TSPAN12: variants seen among roughly 807,000 people sequenced by gnomAD.
TSPAN12 encodes the protein tetraspanin-12.
In TSPAN12, 19 loss-of-function variants were observed where a neutral mutation model predicts 39.2. The ratio of observed to expected loss-of-function variants is 0.49; its 90% CI spans 0.34 to 0.71. The LOEUF (loss-of-function observed/expected upper bound fraction) is 0.71, where lower values mean the gene tolerates loss of function less well. Ranked by LOEUF, TSPAN12 falls within the 30% of genes least tolerant of loss-of-function variation. The pLI, the probability that TSPAN12 is intolerant of heterozygous loss-of-function variation, is 0.01. For synonymous variants in TSPAN12, 119 were observed against 124.8 expected (o/e 0.95, Z 0.31); for missense variants, 314 against 359.9 (o/e 0.87, Z 1.03).
intron 7 of TSPAN12, among the ~76,000 whole-genome samples, chr7:120,806,188 T>C (rs1364105782): frequency 6.6e-6 from 1 of 152,024 alleles, no homozygotes; most frequent in Non-Finnish European, 1.5e-5. Context: ...TTAAAATACG[T>C]ATTCTGTCCA....
At chr7:120,846,088 C>T (rs1794663606) in intron 2 of TSPAN12, among the ~76,000 whole-genome samples, 1 of 152,080 alleles carries the variant, frequency 6.6e-6, no homozygotes, top group South Asian at 2.1e-4. Flanking sequence ...TCTTACCTGG[C>T]CAGAGGAGGA....
intron 2 of TSPAN12, among the ~76,000 whole-genome samples, chr7:120,853,880 A>G (rs2116511444): frequency 6.6e-6 from 1 of 151,624 alleles, no homozygotes; most frequent in South Asian, 2.1e-4. Context: ...CCCAAAAAAA[A>G]AAAAAAAAGA....
Position 120,857,894 on chromosome 7 carries a change from G to A in TSPAN12, c.-145C>T, listed in dbSNP as rs1407818026. 6.6e-6 allele frequency: 1 copy of A among 152,456 alleles called. No individual in the cohort carries two copies. Among genetic ancestry groups the A allele is most frequent in the Non-Finnish European group, 1.5e-5 (1 of 68,280 alleles). The allele number at this position is 152,456 out of a possible 1,614,324, so 9.4% of individuals were successfully genotyped here. A position where few individuals can be genotyped will look rare whatever the true frequency, so the allele number is the denominator to read the frequency against. ...CGCACGGCGGGGGCTCATCGGGGCA[G>A]GGAACTTCTTCGCGGAGAGCCGGAG... On this transcript the variant is annotated 5_prime_UTR_variant, in exon 1 of 8. Coordinates refer to ENST00000222747, the MANE Select transcript of TSPAN12 (RefSeq NM_012338.4).
At chr7:120,805,954 T>C (rs1335466981) in intron 7 of TSPAN12, among the ~76,000 whole-genome samples, 4 of 152,176 alleles carry the variant, frequency 2.6e-5, no homozygotes, top group South Asian at 4.2e-4. Context: ...AATGGAGTAA[T>C]TGATTATTCT....
chr7:120,829,948 T>C (rs893258487), intron 4 of TSPAN12, among the ~76,000 whole-genome samples: 3 of 152,072 alleles, frequency 2.0e-5, no homozygotes, highest in South Asian at 2.1e-4. Flanking sequence ...AATCCTCTCA[T>C]AAAGACCCAA....
chr7:120,804,502 T>C (rs1483895419), intron 7 of TSPAN12, among the ~76,000 whole-genome samples: 1 of 152,184 alleles, frequency 6.6e-6, no homozygotes, highest in Non-Finnish European at 1.5e-5. Flanking sequence ...ATATTCCTTT[T>C]CATTCAAAGC....
intron 2 of TSPAN12, among the ~76,000 whole-genome samples, chr7:120,844,866 G>C (rs1794643726): frequency 6.6e-6 from 1 of 152,154 alleles, no homozygotes; most frequent in South Asian, 2.1e-4. Flanking sequence ...GCCTTAGTGG[G>C]GACTCTTTGT....
chr7:120,820,142 A>C (rs537420987), intron 4 of TSPAN12, among the ~76,000 whole-genome samples: 2 of 152,228 alleles, frequency 1.3e-5, no homozygotes, highest in African/African-American at 4.8e-5. Flanking sequence ...CTAGTTTGCA[A>C]AGCAACTCAC....
intron 7 of TSPAN12, among the ~76,000 whole-genome samples, chr7:120,798,256 C>T (rs1247888329): frequency 6.6e-6 from 1 of 152,114 alleles, no homozygotes; most frequent in African/African-American, 2.4e-5. Flanking sequence ...GATCTTCCCC[C>T]CTACCAAGCC....
intron 5 of TSPAN12, 53 bp from the exon 6 acceptor site, chr7:120,810,623 TTCACAC>T (rs1793961618): frequency 3.9e-6 from 3 of 771,084 alleles, no homozygotes; most frequent in Non-Finnish European, 6.6e-6. Context: ...CAGACACAGA[TTCACAC>T]ACACACACAC....
chr7:120,811,678 A>G (rs1293069661), intron 5 of TSPAN12, among the ~76,000 whole-genome samples: 2 of 152,010 alleles, frequency 1.3e-5, no homozygotes, highest in African/African-American at 2.4e-5. Context: ...TCAAAAAAAA[A>G]AAAAAGAAAA....
intron 4 of TSPAN12, among the ~76,000 whole-genome samples, chr7:120,824,357 G>A (rs1265169572): frequency 2.6e-5 from 4 of 151,548 alleles, no homozygotes; most frequent in South Asian, 4.2e-4. Context: ...CAGGAGAATC[G>A]ATTGAACCTG....
At chr7:120,808,489 T>C (rs577235225) in intron 6 of TSPAN12, among the ~76,000 whole-genome samples, 5 of 152,246 alleles carry the variant, frequency 3.3e-5, no homozygotes, top group Admixed American at 1.3e-4. Flanking sequence ...CTCTTGCTAA[T>C]GTGTCAAGCT....
intron 2 of TSPAN12, 117 bp downstream of exon 2, chr7:120,856,581 G>C: frequency 9.7e-7 from 1 of 1,026,098 alleles, no homozygotes; most frequent in Admixed American, 1.9e-5. Flanking sequence ...GAAAAATAAA[G>C]GGTGTTATCC....
At chr7:120,823,296 GATAT>G (rs140989111) in intron 4 of TSPAN12, among the ~76,000 whole-genome samples, 2 of 147,720 alleles carry the variant, frequency 1.4e-5, no homozygotes. Context: ...AGAATGTTCT[GATAT>G]ATATATATAT....
chr7:120,813,897 T>G (rs114736355), intron 5 of TSPAN12: 13 of 159,190 alleles, frequency 8.2e-5, no homozygotes, highest in African/African-American at 3.1e-4. Context: ...AGCAAACAAA[T>G]TCCTATATTA....
At chr7:120,856,947 T>A (rs1794884605) in intron 1 of TSPAN12, 114 bp from the exon 2 acceptor site, 1 of 665,974 alleles carries the variant, frequency 1.5e-6, no homozygotes, top group Non-Finnish European at 2.7e-6. Flanking sequence ...CGAGGCCCAG[T>A]GCATTCGAGA....
intron 7 of TSPAN12, among the ~76,000 whole-genome samples, chr7:120,791,917 A>T (rs1240552316): frequency 6.6e-6 from 1 of 152,200 alleles, no homozygotes; most frequent in Non-Finnish European, 1.5e-5. Flanking sequence ...AGAGTGACAT[A>T]GCAAAACTGG....
chr7:120,811,038 C>T (rs1793971538), intron 5 of TSPAN12, among the ~76,000 whole-genome samples: 1 of 152,202 alleles, frequency 6.6e-6, no homozygotes, highest in South Asian at 2.1e-4. Flanking sequence ...TTTGGCTCAA[C>T]TCAAGCCTCA....
Sources: gnomAD v4.1 joint callset for allele counts (sites outside exome capture counted in the v4.1 genomes callset) on GRCh38, gnomAD v4.1.1 for gene constraint, MANE v1.5 for transcripts, NCBI Gene and HGNC (gene_info 2026-07-23, HGNC 2026-07-21) for gene names.